CCNY: variants seen among roughly 807,000 people sequenced by gnomAD.
CCNY encodes the protein cyclin-Y.
Under a neutral mutation model 42.8 loss-of-function variants are expected in CCNY, and 19 were observed. The ratio of observed to expected loss-of-function variants is 0.44; its 90% CI spans 0.31 to 0.65. CCNY has a LOEUF of 0.65. CCNY is among the 30% of genes least tolerant of loss of function. The pLI, the probability that CCNY is intolerant of heterozygous loss-of-function variation, is 0.07. For synonymous variants in CCNY, 165 were observed against 162.7 expected, an observed-to-expected ratio of 1.01 and a Z score of -0.11; for missense variants, 370 against 437.3, an observed-to-expected ratio of 0.85 and a Z score of 1.37.
chr10:35,374,750 G>A (rs561869396), intron 1 of CCNY, among the ~76,000 whole-genome samples: 15 of 152,242 alleles, frequency 9.9e-5, no homozygotes, highest in East Asian at 9.6e-4. Flanking sequence ...TCTAATATAC[G>A]TGTCTCTGAA....
At chr10:35,413,374 CAG>C (rs995559824) in intron 1 of CCNY, among the ~76,000 whole-genome samples, 4 of 151,990 alleles carry the variant, frequency 2.6e-5, no homozygotes, top group African/African-American at 7.3e-5. Flanking sequence ...ATACAGTAGA[CAG>C]AGAGCAAAAA....
chr10:35,534,307 C>T (rs1840833761), intron 7 of CCNY, among the ~76,000 whole-genome samples: 1 of 152,218 alleles, frequency 6.6e-6, no homozygotes, highest in Non-Finnish European at 1.5e-5. Context: ...CAGGCGTGCG[C>T]CACCACACCC....
chr10:35,291,015 T>C (rs1030361423), intron 3 of CCNY, among the ~76,000 whole-genome samples: 5 of 152,112 alleles, frequency 3.3e-5, no homozygotes, highest in Non-Finnish European at 7.4e-5. Flanking sequence ...TATGACTTTT[T>C]TTTTTTTTAG....
chr10:35,470,119 A>G (rs1211006291), intron 1 of CCNY, among the ~76,000 whole-genome samples: 1 of 150,260 alleles, frequency 6.7e-6, no homozygotes, highest in Non-Finnish European at 1.5e-5. Context: ...ATGGAGAGAG[A>G]AAGATAGGGC....
intron 1 of CCNY, among the ~76,000 whole-genome samples, chr10:35,403,086 G>C (rs1053759845): frequency 1.2e-4 from 18 of 151,384 alleles, no homozygotes; most frequent in Non-Finnish European, 2.4e-4. Flanking sequence ...TGCCAGTCCT[G>C]GGCGGGGGAA....
rs144019991 is a variant in CCNY at position 35,421,145 on chromosome 10, C to G, written c.155-62259C>G. ...AAGGACCTGGCTGAGGACGGCCACA[C>G]GGGTTGGACAGGCCGCTTCTGGAGA... On this transcript the variant is annotated intron_variant, in intron 1 of 9. Coordinates refer to ENST00000374704, the MANE Select transcript of CCNY (RefSeq NM_145012.6). Among the ~76,000 whole-genome samples, 5 of 152,270 alleles carry G rather than the reference C, an allele frequency of 3.3e-5. No individual in the cohort carries two copies. The South Asian group carries it at 6.2e-4, about 19-fold the overall frequency.
At chr10:35,509,091 A>G (rs76574121) in intron 3 of CCNY, among the ~76,000 whole-genome samples, 7,100 of 152,200 alleles carry the variant, frequency 0.047, 236 homozygotes, top group Non-Finnish European at 0.066. Flanking sequence ...ATACATTTCT[A>G]CAGAGCAGAA....
chr10:35,422,374 TC>T (rs1290789931), intron 1 of CCNY, among the ~76,000 whole-genome samples: 4 of 152,234 alleles, frequency 2.6e-5, no homozygotes, highest in African/African-American at 9.6e-5. Flanking sequence ...TAGCATTAGA[TC>T]CGAGCTCCTG....
chr10:35,457,391 C>T (rs1289439753), intron 1 of CCNY, among the ~76,000 whole-genome samples: 1 of 152,198 alleles, frequency 6.6e-6, no homozygotes, highest in Non-Finnish European at 1.5e-5. Flanking sequence ...CGTGTGTACA[C>T]CTGCCCGTCC....
At chr10:35,371,157 A>G (rs1361528875) in intron 1 of CCNY, among the ~76,000 whole-genome samples, 1 of 152,198 alleles carries the variant, frequency 6.6e-6, no homozygotes, top group Admixed American at 6.5e-5. Context: ...AGCAGGGACT[A>G]TATGGATCAT....
chr10:35,354,129 C>T (rs1836489303), intron 1 of CCNY, among the ~76,000 whole-genome samples: 1 of 151,706 alleles, frequency 6.6e-6, no homozygotes, highest in Non-Finnish European at 1.5e-5. Flanking sequence ...CCAAGTGATC[C>T]AAGAGAGAGC....
At chr10:35,479,370 T>C (rs1264687414) in intron 1 of CCNY, among the ~76,000 whole-genome samples, 80 of 145,258 alleles carry the variant, frequency 5.5e-4, no homozygotes, top group Non-Finnish European at 9.6e-4. Flanking sequence ...TGTCCAACAA[T>C]GATAGACTGG....
intron 1 of CCNY, chr10:35,449,723 G>T: frequency 1.0e-6 from 1 of 984,564 alleles, no homozygotes; most frequent in Non-Finnish European, 1.2e-6. Context: ...TCAGAGAGGT[G>T]CAGGGAGCAG....
upstream of CCNY, chr10:35,332,438 G>C (rs917904238): frequency 6.6e-6 from 1 of 152,158 alleles, no homozygotes; most frequent in African/African-American, 2.4e-5. Context: ...TTCAATTAAG[G>C]TAGACTATTC....
chr10:35,388,085 T>C (rs1272278100), intron 1 of CCNY, among the ~76,000 whole-genome samples: 1 of 152,180 alleles, frequency 6.6e-6, no homozygotes, highest in East Asian at 1.9e-4. Context: ...CAGGTAACTG[T>C]GGGGCTATAT....
chr10:35,320,708 T>C (rs1835811101), intron 3 of CCNY: 1 of 152,192 alleles, frequency 6.6e-6, no homozygotes, highest in African/African-American at 2.4e-5. Flanking sequence ...ATTGTGTATG[T>C]AGAAACATTT....
chr10:35,354,986 C>T (rs928467093), intron 1 of CCNY, among the ~76,000 whole-genome samples: 8 of 152,044 alleles, frequency 5.3e-5, no homozygotes, highest in African/African-American at 1.7e-4. Flanking sequence ...AATGGCCACC[C>T]CAGTGGTTCT....
chr10:35,449,366 A>C (rs889086314), intron 1 of CCNY, among the ~76,000 whole-genome samples: 2 of 151,950 alleles, frequency 1.3e-5, no homozygotes, highest in Admixed American at 1.3e-4. Flanking sequence ...ATCTCTAGTA[A>C]GATAAGGACT....
At chr10:35,417,528 G>T (rs1369949046) in intron 1 of CCNY, among the ~76,000 whole-genome samples, 1 of 152,178 alleles carries the variant, frequency 6.6e-6, no homozygotes, top group Non-Finnish European at 1.5e-5. Flanking sequence ...AAATGTTTGA[G>T]CATGTTTTTC....
Sources: gnomAD v4.1 joint callset for allele counts (sites outside exome capture counted in the v4.1 genomes callset) on GRCh38, gnomAD v4.1.1 for gene constraint, MANE v1.5 for transcripts, NCBI Gene and HGNC (gene_info 2026-07-23, HGNC 2026-07-21) for gene names.